The following MAD2L2 variants were observed in gnomAD, a reference collection of about 807,000 sequenced individuals.
MAD2L2 encodes mitotic spindle assembly checkpoint protein MAD2B.
In MAD2L2, 17 loss-of-function variants were observed where a neutral mutation model predicts 30.5. The ratio of observed to expected loss-of-function variants is 0.56; its 90% CI spans 0.38 to 0.84. MAD2L2 has a LOEUF of 0.84. Ranked by LOEUF, MAD2L2 falls within the 40% of genes least tolerant of loss-of-function variation. The pLI, the probability that MAD2L2 is intolerant of heterozygous loss-of-function variation, is 0.00. For missense variants in MAD2L2, 213 were observed against 277.4 expected (o/e 0.77, Z 1.65); for synonymous variants, 101 against 113.9 (o/e 0.89, Z 0.72).
intron 7 of MAD2L2, 23 bp downstream of exon 7, chr1:11,675,635 G>A (rs1251337277): frequency 6.2e-7 from 1 of 1,611,576 alleles, no homozygotes; most frequent in Non-Finnish European, 8.5e-7. Flanking sequence ...CCTGCGCCCA[G>A]ACCCAGACCC....
chr1:11,689,025 C>T (rs1434084370), intron 1 of MAD2L2, among the ~76,000 whole-genome samples: 1 of 152,158 alleles, frequency 6.6e-6, no homozygotes, highest in Non-Finnish European at 1.5e-5. Context: ...GCCAGGCACA[C>T]TGGCTTACCC....
rs945529066 is a variant in MAD2L2, at chr1:11,688,470, C to T, written c.-692+2943G>A. ...CAGCTACTCAGGAAGCTGAGGCAGG[C>T]GAATCGCTTGAACTTGGGAGGCAGA... On this transcript the variant is annotated intron_variant, in intron 1 of 10. Coordinates refer to the MAD2L2 transcript ENST00000235310. This position sits in a 1 kb window ranked among gnomAD's most constrained non-coding sequence, Gnocchi z 4.6. 2.0e-5 allele frequency among the ~76,000 whole-genome samples: 3 copies of T among 151,764 alleles called. No homozygotes were observed.
chr1:11,675,626 C>T, intron 7 of MAD2L2, 32 bp downstream of exon 7: 1 of 1,606,924 alleles, frequency 6.2e-7, no homozygotes, highest in Non-Finnish European at 8.5e-7. Context: ...TTTCTAGAGC[C>T]TGCGCCCAGA....
chr1:11,682,617 G>A (rs1478278807), upstream of MAD2L2, among the ~76,000 whole-genome samples: 1 of 152,094 alleles, frequency 6.6e-6, no homozygotes, highest in African/African-American at 2.4e-5. Context: ...AATCACAGCT[G>A]CCCTGCTGCC....
chr1:11,683,870 C>T (rs1640914632), upstream of MAD2L2, among the ~76,000 whole-genome samples: 1 of 152,138 alleles, frequency 6.6e-6, no homozygotes, highest in African/African-American at 2.4e-5. Flanking sequence ...ACTCAGGAGG[C>T]TGAGGCAGGA....
At chr1:11,680,677 TCCA>T in intron 1 of MAD2L2, 64 bp from the exon 2 acceptor site, 2 of 1,502,322 alleles carry the variant, frequency 1.3e-6, no homozygotes, top group Non-Finnish European at 8.9e-7. Context: ...CCCGCTCGCT[TCCA>T]CCGTCTCTTC....
upstream of MAD2L2, among the ~76,000 whole-genome samples, chr1:11,684,502 G>A (rs911976092): frequency 2.0e-5 from 3 of 152,106 alleles, no homozygotes; most frequent in East Asian, 5.8e-4. Flanking sequence ...TGATGGGGAC[G>A]GAGGGAAAAT....
upstream of MAD2L2, among the ~76,000 whole-genome samples, chr1:11,684,437 T>C (rs1164754783): frequency 1.3e-5 from 2 of 151,836 alleles, no homozygotes; most frequent in East Asian, 3.9e-4. Context: ...GAAGGATGGG[T>C]GTTTAGGGGG....
intron 1 of MAD2L2, among the ~76,000 whole-genome samples, chr1:11,689,098 C>T (rs1025736502): frequency 6.6e-6 from 1 of 152,130 alleles, no homozygotes; most frequent in African/African-American, 2.4e-5. Flanking sequence ...GAGTTCGAGA[C>T]CCGCCTGGGC....
upstream of MAD2L2, among the ~76,000 whole-genome samples, chr1:11,685,284 GGC>G (rs1196354208): frequency 6.6e-6 from 1 of 152,166 alleles, no homozygotes; most frequent in East Asian, 1.9e-4. Context: ...AAGAATGAAT[GGC>G]AGAGGAATGA....
rs1641003326 is a variant in MAD2L2, at chr1:11,688,563, A to C, written c.-692+2850T>G. Among the ~76,000 whole-genome samples, 1 of 151,018 alleles carries C rather than the reference A, an allele frequency of 6.6e-6. No individual in the cohort carries two copies. Among genetic ancestry groups the C allele is most frequent in the Admixed American group, 6.6e-5 (1 of 15,166 alleles). ...ACAACAGAGCAAGACTGCATCTCAA[A>C]AAAAAAAAAGAAAAAGCAATCAGCA... On this transcript the variant is annotated intron_variant, in intron 1 of 10. Transcript: ENST00000235310. This position sits in a 1 kb window ranked among gnomAD's most constrained non-coding sequence, Gnocchi z 4.6.
chr1:11,674,561 C>A lies in MAD2L2; in HGVS notation c.*214G>T. ...CAGACAGTGTTGGCCGGCGGAACCC[C>A]AGGAGGCTGAGAAGTCGAGGTTGCG... On this transcript the variant is annotated 3_prime_UTR_variant, in exon 9 of 9. Transcript: ENST00000376692. The surrounding 1 kb of genome is among the most constrained non-coding windows in gnomAD (Gnocchi z 6.1). 1 of 573,908 alleles carries A rather than the reference C, an allele frequency of 1.7e-6. No homozygotes were observed. Among genetic ancestry groups the A allele is most frequent in the Non-Finnish European group, 3.1e-6 (1 of 320,104 alleles). 35.6% of individuals were successfully genotyped at this position (573,908 alleles called of 1,614,324 possible).
rs774171698 is a variant in MAD2L2, at chr1:11,676,038, G to A, written c.427+8C>T. ...GCCAAGGGAAGAGAGGGTGGGGAGT[G>A]GACACACCTGGGGGGTTGTGGTCCA... On this transcript the variant is annotated splice_region_variant and intron_variant, in intron 6 of 8. Coordinates refer to ENST00000376692, the MANE Select transcript of MAD2L2 (RefSeq NM_006341.4). The A allele has an allele frequency of 1.3e-5, 21 of 1,611,584 alleles. No individual in the cohort carries two copies. The highest frequency in any genetic ancestry group is 3.3e-5 in the South Asian group (3 of 91,046).
At chr1:11,676,813 T>A (rs1640776913) in intron 5 of MAD2L2, 35 bp downstream of exon 5, 1 of 1,545,278 alleles carries the variant, frequency 6.5e-7, no homozygotes. Context: ...ACACACCTGA[T>A]GCCAGCTAGT....
At position 11,674,887 on chromosome 1, in the gene MAD2L2, C is replaced by A. The variant is rs774158247; in HGVS notation, c.595-71G>T. The A allele has an allele frequency of 4.5e-6, 7 of 1,562,402 alleles. No homozygotes were observed. Among genetic ancestry groups the A allele is most frequent in the Non-Finnish European group, 6.2e-6 (7 of 1,134,290 alleles). On this transcript the variant is annotated intron_variant, in intron 8 of 8. Transcript: ENST00000376692. This position sits in a 1 kb window ranked among gnomAD's most constrained non-coding sequence, Gnocchi z 6.1. ...CATCCCTGCTGGAGGACACAGAAGC[C>A]CCTGGTGGGCAGACCTCCACCACAG... is the stretch of plus-strand genomic sequence containing the variant.
chr1:11,680,528 C>T, intron 2 of MAD2L2, 34 bp downstream of exon 2: 1 of 1,609,748 alleles, frequency 6.2e-7, no homozygotes, highest in Non-Finnish European at 8.5e-7. Flanking sequence ...CCCAGACGCC[C>T]CCGCCCCCGG....
intron 5 of MAD2L2, 118 bp downstream of exon 5, chr1:11,676,730 T>C: frequency 1.3e-6 from 1 of 770,350 alleles, no homozygotes; most frequent in Non-Finnish European, 2.3e-6. Context: ...CTGGTGCTTC[T>C]TGCCCTTTCT....
chr1:11,680,709 G>T, intron 1 of MAD2L2, 96 bp from the exon 2 acceptor site: 1 of 1,473,820 alleles, frequency 6.8e-7, no homozygotes, highest in East Asian at 2.4e-5. Flanking sequence ...CAGTCTGTGG[G>T]AACTGGGGAA....
At chr1:11,684,825 G>A (rs528752448), upstream of MAD2L2, among the ~76,000 whole-genome samples, 8 of 152,112 alleles carry the variant, frequency 5.3e-5, no homozygotes, top group South Asian at 2.1e-4. Flanking sequence ...ATATCCTGAC[G>A]CTCAGGGGCC....
Sources: gnomAD v4.1 joint callset for allele counts (sites outside exome capture counted in the v4.1 genomes callset) on GRCh38, gnomAD v4.1.1 for gene constraint, Gnocchi (gnomAD v3.1) non-coding constraint, MANE v1.5 for transcripts, NCBI Gene and HGNC (gene_info 2026-07-23, HGNC 2026-07-21) for gene names.